PDE1C: variants seen among roughly 807,000 people sequenced by gnomAD.
PDE1C encodes the protein dual specificity calcium/calmodulin-dependent 3',5'-cyclic nucleotide phosphodiesterase 1C.
PDE1C carries 62 observed loss-of-function variants against 93.1 expected under a neutral mutation model. The ratio of observed to expected loss-of-function variants is 0.67; its 90% CI spans 0.54 to 0.82. PDE1C has a LOEUF of 0.82. PDE1C is among the 40% of genes least tolerant of loss of function. The pLI is 0.00. For missense variants in PDE1C, 742 were observed against 884.6 expected, an observed-to-expected ratio of 0.84 and a Z score of 2.04; for synonymous variants, 325 against 310.1, an observed-to-expected ratio of 1.05 and a Z score of -0.50.
chr7:31,801,601 T>C (rs916320722), intron 16 of PDE1C, among the ~76,000 whole-genome samples: 1 of 151,506 alleles, frequency 6.6e-6, no homozygotes, highest in African/African-American at 2.4e-5. Context: ...AAAGAGATAA[T>C]AATGTCTCCA....
chr7:32,147,984 T>TAAAAAAAAAAAAA lies in PDE1C; in HGVS notation c.308+21788_308+21800dup, dbSNP rs752433564. Among the ~76,000 whole-genome samples, 54 of 79,716 alleles carry TAAAAAAAAAAAAA rather than the reference T, an allele frequency of 6.8e-4. 7 individuals are homozygous for TAAAAAAAAAAAAA. The highest frequency in any genetic ancestry group is 2.8e-3 in the African/African-American group (50 of 17,874). 52.3% of individuals were successfully genotyped at this position (79,716 alleles called of 152,430 possible). ...AACTTGCCTCTCAACCCATTTATGC[T>TAAAAAAAAAAAAA]AAAAAAAAAAAAAAAAAAAAAGCCT... On this transcript the variant is annotated intron_variant, in intron 3 of 18. Transcript: ENST00000396193.
At chr7:31,705,833 C>A in the PDE1C span, among the ~76,000 whole-genome samples, 1 of 152,044 alleles carries the variant, frequency 6.6e-6, no homozygotes, top group Non-Finnish European at 1.5e-5. Context: ...GAGGACTGGC[C>A]TTCCATCGCA....
At chr7:31,667,608 G>A in the PDE1C span, among the ~76,000 whole-genome samples, 1 of 151,102 alleles carries the variant, frequency 6.6e-6, no homozygotes, top group African/African-American at 2.4e-5. Flanking sequence ...TAGTGATGGA[G>A]GGCAGTGTAT....
chr7:32,006,301 G>C (rs1466222371), intron 2 of PDE1C, among the ~76,000 whole-genome samples: 1 of 152,098 alleles, frequency 6.6e-6, no homozygotes, highest in African/African-American at 2.4e-5. Context: ...CTCTCCAAAA[G>C]AATTAATGTT....
chr7:31,649,044 G>C, the PDE1C span, among the ~76,000 whole-genome samples: 5,128 of 152,282 alleles, frequency 0.034, 306 homozygotes, highest in African/African-American at 0.12. Flanking sequence ...GATTCCCTAA[G>C]TGTTTCAAAT....
chr7:32,189,137 A>G (rs145998379), intron 2 of PDE1C, among the ~76,000 whole-genome samples: 44 of 152,314 alleles, frequency 2.9e-4, no homozygotes, highest in African/African-American at 1.0e-3. Flanking sequence ...GAGACCATCA[A>G]TTCCAAGAGG....
intron 2 of PDE1C, among the ~76,000 whole-genome samples, chr7:32,019,335 C>A (rs985678289): frequency 5.3e-5 from 8 of 151,972 alleles, no homozygotes; most frequent in African/African-American, 1.9e-4. Context: ...AAGGAATGTG[C>A]AAGGGACTGG....
intron 3 of PDE1C, chr7:32,169,639 G>T: frequency 1.4e-6 from 1 of 716,210 alleles, no homozygotes; most frequent in Non-Finnish European, 2.4e-6. Context: ...AGCTAGCATT[G>T]ATTCCAACCC....
At chr7:32,402,949 G>A (rs939472678) in intron 1 of PDE1C, among the ~76,000 whole-genome samples, 4 of 152,282 alleles carry the variant, frequency 2.6e-5, no homozygotes, top group Non-Finnish European at 4.4e-5. Flanking sequence ...CCCAACAAGG[G>A]CAAGAATGTG....
chr7:32,232,202 T>A (rs1011981684), intron 1 of PDE1C, among the ~76,000 whole-genome samples: 2 of 152,204 alleles, frequency 1.3e-5, no homozygotes, highest in Non-Finnish European at 2.9e-5. Context: ...TTTTTTCCTG[T>A]CATGTACTCT....
the PDE1C span, among the ~76,000 whole-genome samples, chr7:31,617,524 T>C: frequency 5.7e-4 from 87 of 152,250 alleles, no homozygotes; most frequent in East Asian, 1.9e-4. Flanking sequence ...AACTTCATTG[T>C]GAGTGGAGAT....
the PDE1C span, among the ~76,000 whole-genome samples, chr7:31,745,758 A>G: frequency 6.6e-6 from 1 of 152,238 alleles, no homozygotes; most frequent in African/African-American, 2.4e-5. Flanking sequence ...GTAATAAGTA[A>G]TAGATGTCAC....
intron 1 of PDE1C, among the ~76,000 whole-genome samples, chr7:32,275,306 A>G (rs6962795): frequency 0.26 from 39,545 of 152,092 alleles, 5,424 homozygotes; most frequent in East Asian, 0.45. Context: ...AGGAAAAAAA[A>G]AAACTTCTGA....
the PDE1C span, among the ~76,000 whole-genome samples, chr7:31,684,714 A>G: frequency 4.6e-5 from 7 of 152,226 alleles, no homozygotes; most frequent in African/African-American, 1.7e-4. Context: ...AACCATGACG[A>G]GATATTACTA....
At chr7:31,780,739 ATTAT>A (rs1376484181) in intron 16 of PDE1C, among the ~76,000 whole-genome samples, 2 of 151,710 alleles carry the variant, frequency 1.3e-5, no homozygotes, top group African/African-American at 2.4e-5. Context: ...CACAGTTTTT[ATTAT>A]TTGTTTTAGA....
intron 1 of PDE1C, among the ~76,000 whole-genome samples, chr7:32,359,821 TC>T (rs1784101264): frequency 1.3e-5 from 2 of 152,136 alleles, no homozygotes; most frequent in South Asian, 4.1e-4. Flanking sequence ...ATGCAGTTCC[TC>T]CACCTGAAAT....
intron 1 of PDE1C, among the ~76,000 whole-genome samples, chr7:32,323,076 G>A (rs1477426932): frequency 1.3e-5 from 2 of 152,172 alleles, no homozygotes; most frequent in African/African-American, 2.4e-5. Flanking sequence ...GCATTTTTTA[G>A]TTTAGCCAAC....
chr7:31,764,130 A>G (rs6966797), intron 17 of PDE1C, among the ~76,000 whole-genome samples: 70,938 of 151,832 alleles, frequency 0.47, 16,957 homozygotes, highest in African/African-American at 0.5. Flanking sequence ...GCAAAAATAT[A>G]GTGGTTCATT....
intron 2 of PDE1C, among the ~76,000 whole-genome samples, chr7:32,035,841 C>A (rs1790996149): frequency 6.6e-6 from 1 of 152,164 alleles, no homozygotes; most frequent in South Asian, 2.1e-4. Context: ...GCAATGGATG[C>A]CAGCTGCTGC....
Sources: gnomAD v4.1 joint callset for allele counts (sites outside exome capture counted in the v4.1 genomes callset) on GRCh38, gnomAD v4.1.1 for gene constraint, MANE v1.5 for transcripts, NCBI Gene and HGNC (gene_info 2026-07-23, HGNC 2026-07-21) for gene names.